The following PEBP4 variants were observed in gnomAD, a reference collection of about 807,000 sequenced individuals.
PEBP4 encodes the protein phosphatidylethanolamine-binding protein 4.
PEBP4 carries 22 observed loss-of-function variants against 23.9 expected under a neutral mutation model. The ratio of observed to expected loss-of-function variants is 0.92; its 90% CI spans 0.66 to 1.31. The LOEUF (loss-of-function observed/expected upper bound fraction) is 1.31. Among genes scored for constraint, PEBP4 ranks in the 40% most tolerant of loss-of-function variants. The pLI is 0.00. For missense variants in PEBP4, 324 were observed against 281.7 expected (o/e 1.15, Z -1.07); for synonymous variants, 112 against 99.3 (o/e 1.13, Z -0.76).
chr8:22,821,708 G>A lies in PEBP4; in HGVS notation c.259-3973C>T, dbSNP rs545240985. 6.6e-5 allele frequency among the ~76,000 whole-genome samples: 10 copies of A among 152,088 alleles called. No homozygotes were observed. In the South Asian group the frequency reaches 8.3e-4, roughly 13 times the overall value. Reference sequence around the variant, plus strand: ...AGGGAGAAAGAGGCTGAGGAGGGCCGGGTGCGGTGGCTCATGCCTATAATC... The same window carrying A: ...AGGGAGAAAGAGGCTGAGGAGGGCCAGGTGCGGTGGCTCATGCCTATAATC... On this transcript the variant is annotated intron_variant, in intron 3 of 6. Coordinates refer to ENST00000256404, the MANE Select transcript of PEBP4 (RefSeq NM_144962.3).
chr8:22,881,652 C>T (rs1808261084), intron 3 of PEBP4, among the ~76,000 whole-genome samples: 1 of 152,236 alleles, frequency 6.6e-6, no homozygotes, highest in Admixed American at 6.5e-5. Context: ...GATTCACTCT[C>T]CCTCTTTGGA....
chr8:22,897,734 C>CCCTGAGCTCTTGTACTCATCT (rs1563253216), intron 3 of PEBP4: 1 of 152,112 alleles, frequency 6.6e-6, no homozygotes, highest in Non-Finnish European at 1.5e-5. Flanking sequence ...AGATCAGAGG[C>CCCTGAGCTCTTGTACTCATCT]CCTGAGCTCT....
intron 4 of PEBP4, among the ~76,000 whole-genome samples, chr8:22,736,800 G>A (rs777866648): frequency 6.6e-6 from 1 of 151,902 alleles, no homozygotes; most frequent in Non-Finnish European, 1.5e-5. Flanking sequence ...TAGGGAATTG[G>A]GTATTCCTTA....
intron 3 of PEBP4, among the ~76,000 whole-genome samples, chr8:22,874,229 C>T (rs932356821): frequency 4.0e-5 from 6 of 151,786 alleles, no homozygotes; most frequent in African/African-American, 9.7e-5. Context: ...GTGGAAAGCC[C>T]CTGTTTAAAT....
chr8:22,828,353 C>T (rs184960660), intron 3 of PEBP4, among the ~76,000 whole-genome samples: 53 of 152,312 alleles, frequency 3.5e-4, no homozygotes, highest in African/African-American at 1.2e-3. Flanking sequence ...TCAACCTCAT[C>T]ACTGTGCCTG....
chr8:22,899,034 C>T lies in PEBP4; in HGVS notation c.258+21150G>A, dbSNP rs111960480. Among the ~76,000 whole-genome samples, 851 of 152,310 alleles carry T rather than the reference C, an allele frequency of 5.6e-3. 5 individuals are homozygous for T. Among genetic ancestry groups the T allele is most frequent in the African/African-American group, 0.019 (789 of 41,558 alleles). ...ATTGTCCCAGACAGGCGGTACAGCA[C>T]GGTGGTTCATTCACAGCCTCTGAAG... On this transcript the variant is annotated intron_variant, in intron 3 of 6. Coordinates refer to ENST00000256404, the MANE Select transcript of PEBP4 (RefSeq NM_144962.3).
intron 4 of PEBP4, among the ~76,000 whole-genome samples, chr8:22,755,112 C>T (rs1415286784): frequency 1.3e-5 from 2 of 152,200 alleles, no homozygotes; most frequent in African/African-American, 4.8e-5. Flanking sequence ...CTCCTGAGTT[C>T]ACCTGCTGCT....
intron 3 of PEBP4, among the ~76,000 whole-genome samples, chr8:22,910,816 T>C (rs916908484): frequency 1.4e-4 from 21 of 152,260 alleles, no homozygotes; most frequent in African/African-American, 5.1e-4. Context: ...GAGGCATGAA[T>C]AGGTGAAGCA....
At chr8:22,940,854 G>A (rs560345804) in intron 1 of PEBP4, among the ~76,000 whole-genome samples, 4 of 152,208 alleles carry the variant, frequency 2.6e-5, no homozygotes, top group South Asian at 4.1e-4. Flanking sequence ...CTCCTCTCTC[G>A]TAGCAAATTC....
At chr8:22,881,725 C>T (rs754622833) in intron 3 of PEBP4, among the ~76,000 whole-genome samples, 15 of 152,158 alleles carry the variant, frequency 9.9e-5, no homozygotes, top group Non-Finnish European at 1.8e-4. Flanking sequence ...TCCAGTCCTA[C>T]ATGGATGATC....
At chr8:22,715,131 C>T (rs1016298120) in intron 6 of PEBP4, among the ~76,000 whole-genome samples, 11 of 152,316 alleles carry the variant, frequency 7.2e-5, no homozygotes, top group African/African-American at 2.6e-4. Flanking sequence ...TCCTATTCGA[C>T]TCAGTGACTG....
chr8:22,719,589 G>A (rs1804479868), intron 6 of PEBP4, among the ~76,000 whole-genome samples: 1 of 152,222 alleles, frequency 6.6e-6, no homozygotes, highest in African/African-American at 2.4e-5. Context: ...TCTGGGTCAG[G>A]AGAGCGGGGA....
chr8:22,771,358 G>T (rs185619926), intron 4 of PEBP4, among the ~76,000 whole-genome samples: 1 of 152,136 alleles, frequency 6.6e-6, no homozygotes, highest in Non-Finnish European at 1.5e-5. Flanking sequence ...ACATGGTGGC[G>T]CATGCCTGTA....
At chr8:22,725,641 C>T (rs1337592062) in intron 5 of PEBP4, among the ~76,000 whole-genome samples, 1 of 152,134 alleles carries the variant, frequency 6.6e-6, no homozygotes, top group Non-Finnish European at 1.5e-5. Context: ...GCTGGCCTGG[C>T]CTAGGTCTTT....
At chr8:22,807,894 T>TCCAC (rs1312727017) in intron 4 of PEBP4, among the ~76,000 whole-genome samples, 1 of 124,360 alleles carries the variant, frequency 8.0e-6, no homozygotes, top group South Asian at 2.9e-4. Context: ...CATCCATCCA[T>TCCAC]CCACCCACCC....
intron 4 of PEBP4, among the ~76,000 whole-genome samples, chr8:22,799,164 C>T (rs1473692023): frequency 6.6e-6 from 1 of 152,174 alleles, no homozygotes; most frequent in Non-Finnish European, 1.5e-5. Context: ...GGGCAGATCC[C>T]TCTCCTCCTT....
At position 22,934,357 on chromosome 8, in the gene PEBP4, AAGTT is replaced by A. The variant is rs1809505978; in HGVS notation, c.145-6641_145-6638del. Among the ~76,000 whole-genome samples, 3 of 152,366 alleles carry A rather than the reference AAGTT, an allele frequency of 2.0e-5. No homozygotes were observed. The South Asian group carries it at 6.2e-4, about 32-fold the overall frequency. ...AAAATGTTTGTATGCAATTGAAGTT[AAGTT>A]AGTATCAATTCAAATTAGATCATTA... On this transcript the variant is annotated intron_variant, in intron 1 of 1. Transcript: ENST00000522278.
intron 4 of PEBP4, among the ~76,000 whole-genome samples, chr8:22,779,477 A>G (rs1348205532): frequency 6.6e-6 from 1 of 152,180 alleles, no homozygotes; most frequent in African/African-American, 2.4e-5. Context: ...AAGGGTCTTT[A>G]GCAGAGCATC....
intron 4 of PEBP4, among the ~76,000 whole-genome samples, chr8:22,809,638 G>C (rs1023837850): frequency 6.6e-6 from 1 of 152,160 alleles, no homozygotes; most frequent in African/African-American, 2.4e-5. Flanking sequence ...CATTACCTCT[G>C]TCTTTTATGA....
Sources: allele counts gnomAD v4.1 joint callset (sites outside exome capture counted in the v4.1 genomes callset), GRCh38; gene constraint gnomAD v4.1.1; transcripts MANE v1.5; gene names NCBI Gene and HGNC (gene_info 2026-07-23, HGNC 2026-07-21).